Variants in ZNF566 observed in about 807,000 individuals in gnomAD.
ZNF566 encodes the protein zinc finger protein 566.
Under a neutral mutation model 32.8 loss-of-function variants are expected in ZNF566, and 27 were observed. That is an observed-to-expected ratio of 0.82 (90% CI 0.61 to 1.14). ZNF566 has a LOEUF of 1.14. ZNF566 is among the 50% of genes most tolerant of loss of function. The pLI is 0.00. For missense variants in ZNF566, 402 were observed against 490.4 expected, an observed-to-expected ratio of 0.82 and a Z score of 1.70; for synonymous variants, 154 against 159.5, an observed-to-expected ratio of 0.97 and a Z score of 0.26.
chr19:36,453,505 A>T (rs71337532), intron 4 of ZNF566, among the ~76,000 whole-genome samples: 8,937 of 99,658 alleles, frequency 0.09, 313 homozygotes, highest in African/African-American at 0.11. Context: ...ATAAATAAAT[A>T]AATTAATTAA....
At chr19:36,474,124 A>C (rs1375299423) in intron 2 of ZNF566, among the ~76,000 whole-genome samples, 1 of 152,224 alleles carries the variant, frequency 6.6e-6, no homozygotes, top group East Asian at 1.9e-4. Flanking sequence ...GATGTGGTCC[A>C]CAAAAACGAG....
chr19:36,487,788 T>G (rs931764105), intron 1 of ZNF566, among the ~76,000 whole-genome samples: 10 of 149,938 alleles, frequency 6.7e-5, no homozygotes, highest in African/African-American at 2.5e-4. Context: ...TCCCAGCTAC[T>G]CAGGAGGCTG....
At chr19:36,476,370 T>C (rs897087549) in intron 2 of ZNF566, 179 bp downstream of exon 2, 1 of 448,722 alleles carries the variant, frequency 2.2e-6, no homozygotes, top group Non-Finnish European at 4.0e-6. Flanking sequence ...TTTTTTTCTA[T>C]GAATTGGCCT....
chr19:36,453,505 A>AATT, intron 4 of ZNF566, among the ~76,000 whole-genome samples: 1 of 99,806 alleles, frequency 1.0e-5, no homozygotes, highest in African/African-American at 4.0e-5. Flanking sequence ...ATAAATAAAT[A>AATT]AATTAATTAA....
rs1200824746 is a variant in ZNF566 at position 36,462,141 on chromosome 19, A to G, written c.232+10770T>C. On this transcript the variant is annotated intron_variant, in intron 4 of 4. Coordinates refer to ENST00000452939, the MANE Select transcript of ZNF566 (RefSeq NM_001145344.1). The stretch of plus-strand genomic sequence containing the variant: ...GTAGCTGGGATTAGAGGCATGCACC[A>G]CCACGCTTGGCTAATTTTGTATTTT... 3.3e-5 allele frequency among the ~76,000 whole-genome samples: 5 copies of G among 151,744 alleles called. No homozygotes were observed. The East Asian group carries it at 9.7e-4, about 29-fold the overall frequency.
intron 4 of ZNF566, among the ~76,000 whole-genome samples, chr19:36,458,603 C>T (rs908327240): frequency 1.3e-5 from 2 of 152,108 alleles, no homozygotes; most frequent in South Asian, 4.1e-4. Context: ...ATAGTATGTA[C>T]TGCCATGTAA....
In ZNF566 at chr19:36,455,578, C is replaced by T. The variant is rs1349394435; in HGVS notation, c.233-5577G>A. ...CCAACATGGCAACATCCCGTCTCTACTAAAAATACAAAAATTAGCCGGGCA... is the reference window on the plus strand; with the variant it reads ...CCAACATGGCAACATCCCGTCTCTATTAAAAATACAAAAATTAGCCGGGCA... On this transcript the variant is annotated intron_variant, in intron 4 of 4. Transcript: ENST00000452939. Among the ~76,000 whole-genome samples, 11 of 151,844 alleles carry T rather than the reference C, an allele frequency of 7.2e-5. No individual in the cohort carries two copies. In the East Asian group the frequency reaches 1.6e-3, roughly 22 times the overall value.
Position 36,447,813 on chromosome 19 carries a change from T to A in ZNF566, c.*1164A>T, listed in dbSNP as rs2033034006. On this transcript the variant is annotated 3_prime_UTR_variant, in exon 5 of 5. Coordinates refer to ENST00000452939, the MANE Select transcript of ZNF566 (RefSeq NM_001145344.1). Reference sequence around the variant, plus strand: ...TAGTAAGTACATGATGATGGGAAATTTTCTTAACTTGTTACCTTCAAAGGG... The same window carrying A: ...TAGTAAGTACATGATGATGGGAAATATTCTTAACTTGTTACCTTCAAAGGG... The A allele has an allele frequency of 6.6e-6, 1 of 152,140 alleles. No individual in the cohort carries two copies. The highest frequency in any genetic ancestry group is 2.1e-4 in the South Asian group (1 of 4,824). The allele number at this position is 152,140 out of a possible 1,614,324, so 9.4% of individuals were successfully genotyped here. A position where few individuals can be genotyped will look rare whatever the true frequency, so the allele number is the denominator to read the frequency against.
intron 2 of ZNF566, among the ~76,000 whole-genome samples, chr19:36,474,201 CTG>C (rs1295350945): frequency 6.6e-6 from 1 of 152,108 alleles, no homozygotes; most frequent in Non-Finnish European, 1.5e-5. Context: ...AAAGCTGTGA[CTG>C]AGAGAGTAAA....
chr19:36,481,859 G>T (rs2034040755), intron 1 of ZNF566, among the ~76,000 whole-genome samples: 1 of 152,046 alleles, frequency 6.6e-6, no homozygotes, highest in Non-Finnish European at 1.5e-5. Context: ...AAATCCACAG[G>T]CTGCAGTATT....
At chr19:36,456,930 A>T (rs2033330322) in intron 4 of ZNF566, among the ~76,000 whole-genome samples, 2 of 152,226 alleles carry the variant, frequency 1.3e-5, no homozygotes, top group Non-Finnish European at 2.9e-5. Flanking sequence ...GACCCTGAAG[A>T]GTCAAGGTAA....
At chr19:36,485,687 A>C (rs958746608) in intron 1 of ZNF566, among the ~76,000 whole-genome samples, 6 of 151,356 alleles carry the variant, frequency 4.0e-5, no homozygotes, top group African/African-American at 1.5e-4. Context: ...GCTTGAACCC[A>C]GGAGGCAGAG....
At chr19:36,488,859 C>CTGTG (rs901022454) in intron 1 of ZNF566, among the ~76,000 whole-genome samples, 1 of 152,154 alleles carries the variant, frequency 6.6e-6, no homozygotes, top group Non-Finnish European at 1.5e-5. Flanking sequence ...AAACCTCACA[C>CTGTG]TGTGTGACTT....
intron 4 of ZNF566, among the ~76,000 whole-genome samples, chr19:36,459,970 A>AT (rs1054754612): frequency 1.6e-4 from 24 of 147,194 alleles, no homozygotes; most frequent in Admixed American, 8.2e-4. Flanking sequence ...ATACGCAGCT[A>AT]TTTTTTTTGT....
rs1434084088 is a variant in ZNF566 at position 36,473,443 on chromosome 19, T to C, written c.25A>G (p.Ser9Gly). MAQESVMF[S>G]DVSVDFSQEE... ...TGAGAGAAGTCTACGGACACATCACTGAACATCACTGACTCCTGGAACAAT... is the reference window on the plus strand; with the variant it reads ...TGAGAGAAGTCTACGGACACATCACCGAACATCACTGACTCCTGGAACAAT... The change falls in exon 3 of 5, where the codon AGT (serine) becomes GGT (glycine). Residue 9 changes from serine (S) to glycine (G), a missense_variant. By Grantham distance (56) the Ser-to-Gly change is moderately conservative. Around this residue, in one of 3 missense-constraint regions of ZNF566, gnomAD observed 220 missense variants for 241.9 expected, o/e 0.91. Coordinates refer to ENST00000452939, the MANE Select transcript of ZNF566 (RefSeq NM_001145344.1). The C allele has an allele frequency of 5.0e-6, 8 of 1,603,598 alleles. No individual in the cohort carries two copies. The highest frequency in any genetic ancestry group is 6.0e-6 in the Non-Finnish European group (7 of 1,175,848).
At chr19:36,456,285 T>C (rs953185328) in intron 4 of ZNF566, among the ~76,000 whole-genome samples, 7 of 147,420 alleles carry the variant, frequency 4.7e-5, no homozygotes, top group African/African-American at 1.5e-4. Context: ...CCTGTAATCA[T>C]AGCACTTTGG....
intron 4 of ZNF566, among the ~76,000 whole-genome samples, chr19:36,457,769 T>C (rs1372811770): frequency 2.0e-5 from 3 of 152,180 alleles, no homozygotes; most frequent in Non-Finnish European, 4.4e-5. Context: ...AGGGCACTTG[T>C]AATCTCAGCT....
intron 1 of ZNF566, among the ~76,000 whole-genome samples, chr19:36,478,646 T>TAAGA: frequency 6.7e-6 from 1 of 148,252 alleles, no homozygotes; most frequent in Non-Finnish European, 1.5e-5. Context: ...TCTCACGAAA[T>TAAGA]AAGAAAGAAA....
chr19:36,481,194 G>C (rs1408255107), intron 1 of ZNF566, among the ~76,000 whole-genome samples: 1 of 151,970 alleles, frequency 6.6e-6, no homozygotes, highest in Non-Finnish European at 1.5e-5. Flanking sequence ...ATGAGGGCTG[G>C]GCACAGGGGC....
Sources: allele counts gnomAD v4.1 joint callset (sites outside exome capture counted in the v4.1 genomes callset), GRCh38; gene constraint gnomAD v4.1.1; regional missense constraint gnomAD v4.1.1; transcripts MANE v1.5; gene names NCBI Gene and HGNC (gene_info 2026-07-23, HGNC 2026-07-21).